MYBPH: variants seen among roughly 807,000 people sequenced by gnomAD.
The protein encoded by MYBPH is myosin-binding protein H.
In MYBPH, 49 loss-of-function variants were observed where a neutral mutation model predicts 53.6. That is an observed-to-expected ratio of 0.91 (90% confidence interval 0.73 to 1.16). The LOEUF (loss-of-function observed/expected upper bound fraction) is 1.16, where lower values mean the gene tolerates loss of function less well. MYBPH is among the 50% of genes most tolerant of loss of function. The probability of loss-of-function intolerance (pLI) is 0.00; values close to 1 mark genes in which losing one functional copy is unlikely to be tolerated. For missense variants in MYBPH, 558 were observed against 624.1 expected (o/e 0.89, Z 1.13); for synonymous variants, 239 against 249.6 (o/e 0.96, Z 0.40).
In MYBPH at chr1:203,171,762, C is replaced by T. The variant is rs1054234196; in HGVS notation, c.598-184G>A. On this transcript the variant is annotated intron_variant, in intron 4 of 10. Coordinates refer to ENST00000255416, the MANE Select transcript of MYBPH (RefSeq NM_004997.3). This position sits in a 1 kb window ranked among gnomAD's most constrained non-coding sequence, Gnocchi z 4.2. The stretch of plus-strand genomic sequence containing the variant: ...CCACATCTTCCAGGTGTCCATCCCG[C>T]TCTGGGGGCCCACCTGCCCATCCAC... Among the ~76,000 whole-genome samples, 13 of 152,248 alleles carry T rather than the reference C, an allele frequency of 8.5e-5. No individual in the cohort carries two copies. Among genetic ancestry groups the T allele is most frequent in the Non-Finnish European group, 1.9e-4 (13 of 68,046 alleles).
intron 7 of MYBPH, among the ~76,000 whole-genome samples, chr1:203,169,601 A>G (rs1655657645): frequency 6.6e-6 from 1 of 152,156 alleles, no homozygotes; most frequent in Non-Finnish European, 1.5e-5. Flanking sequence ...CAGAGATAAG[A>G]GCATCTTGGC....
intron 3 of MYBPH, 113 bp from the exon 4 acceptor site, chr1:203,172,153 G>T: frequency 1.7e-6 from 1 of 603,084 alleles, no homozygotes; most frequent in South Asian, 8.5e-5. Context: ...GAGGGTCCTG[G>T]GTGTGCCTGG....
intron 6 of MYBPH, 61 bp from the exon 7 acceptor site, chr1:203,170,511 C>CT: frequency 2.5e-6 from 4 of 1,574,080 alleles, no homozygotes; most frequent in Non-Finnish European, 3.5e-6. Context: ...CCTGCTTACC[C>CT]TGGAGACCTT....
chr1:203,173,277 A>G (rs2788529), intron 3 of MYBPH, among the ~76,000 whole-genome samples: 89,267 of 152,094 alleles, frequency 0.59, 26,438 homozygotes, highest in African/African-American at 0.67. Flanking sequence ...CCTTCCTGGC[A>G]CCTCCAGGAC....
At chr1:203,179,023 C>T (rs1209871356), upstream of MYBPH, 2 of 159,432 alleles carry the variant, frequency 1.3e-5, no homozygotes, top group Admixed American at 1.2e-4. Context: ...GTGAAGGTTT[C>T]AAGCTGGGCT....
rs941461969 is a variant in MYBPH at position 203,168,792 on chromosome 1, C to T, written c.1417+114G>A. 3 of 1,585,486 alleles carry T rather than the reference C, an allele frequency of 1.9e-6. No individual in the cohort carries two copies. In the Admixed American group the frequency reaches 5.1e-5, roughly 27 times the overall value. On this transcript the variant is annotated intron_variant, in intron 9 of 10. Transcript: ENST00000255416. ...GCCGCTTGGAAAGTAATCAGCACAG[C>T]CTGACCCCAGTCTTACCACCCCTTC...
chr1:203,170,004 C>T (rs1462944703), intron 7 of MYBPH, among the ~76,000 whole-genome samples: 1 of 152,230 alleles, frequency 6.6e-6, no homozygotes, highest in Non-Finnish European at 1.5e-5. Flanking sequence ...TCGGCGGCTG[C>T]TGTGATGCTG....
At position 203,170,939 on chromosome 1, in the gene MYBPH, G is replaced by A. The variant is rs959755439; in HGVS notation, c.933+122C>T. 24 of 1,352,926 alleles carry A rather than the reference G, an allele frequency of 1.8e-5. No homozygotes were observed. The East Asian group carries it at 2.4e-4, about 14-fold the overall frequency. The allele number at this position is 1,352,926 out of a possible 1,614,324, so 83.8% of individuals were successfully genotyped here. ...TGCTAAGGGCCTCCTAGGGAGTCAG[G>A]TTAGCAGTGGGCAGACCAGAACTCG... On this transcript the variant is annotated intron_variant, in intron 6 of 10. Coordinates refer to ENST00000255416, the MANE Select transcript of MYBPH (RefSeq NM_004997.3).
intron 3 of MYBPH, 182 bp downstream of exon 3, chr1:203,174,248 C>A: frequency 4.3e-6 from 4 of 930,840 alleles, no homozygotes; most frequent in Non-Finnish European, 5.1e-6. Context: ...CTCCAGAGGC[C>A]CCTTACTGCT....
chr1:203,176,870 T>C, upstream of MYBPH, among the ~76,000 whole-genome samples: 1 of 152,172 alleles, frequency 6.6e-6, no homozygotes, highest in South Asian at 2.1e-4. Context: ...GTGCCGCTCA[T>C]ATAACACCCA....
Position 203,170,300 on chromosome 1 carries a change from G to A in MYBPH, c.1084C>T (p.Gln362Ter). 6.2e-7 allele frequency: 1 copy of A among 1,614,136 alleles called. No individual in the cohort carries two copies. The highest frequency in any genetic ancestry group is 8.5e-7 in the Non-Finnish European group (1 of 1,180,018). ...CCGGGCCCAAACCCACCTGCCTTCT[G>A]GATGTGGGCGAGCTCCTTGGTGACG... ...ATVTKELAHI[Q>*]KADIAAKPKG... The change falls in exon 7 of 11, where the codon CAG (glutamine) becomes TAG (stop). Residue 362 changes from glutamine (Q) to a stop codon, truncating the protein, a stop_gained. Coordinates refer to ENST00000255416, the MANE Select transcript of MYBPH (RefSeq NM_004997.3). LOFTEE classifies it high-confidence loss of function.
Position 203,171,817 on chromosome 1 carries a change from A to G in MYBPH, c.597+135T>C, listed in dbSNP as rs1655704635. 1.4e-6 allele frequency: 1 copy of G among 713,576 alleles called. No homozygotes were observed. The highest frequency in any genetic ancestry group is 2.6e-5 in the South Asian group (1 of 38,234). 44.2% of individuals were successfully genotyped at this position (713,576 alleles called of 1,614,324 possible). ...TGAGAATCACCAATGAGTCATGTGCATGATTGCGGAAGGATGAAGCCGTCT... is the reference window on the plus strand; with the variant it reads ...TGAGAATCACCAATGAGTCATGTGCGTGATTGCGGAAGGATGAAGCCGTCT... On this transcript the variant is annotated intron_variant, in intron 4 of 10. Coordinates refer to ENST00000255416, the MANE Select transcript of MYBPH (RefSeq NM_004997.3). This position sits in a 1 kb window ranked among gnomAD's most constrained non-coding sequence, Gnocchi z 4.2.
intron 3 of MYBPH, 116 bp from the exon 4 acceptor site, chr1:203,172,156 G>A (rs1362619851): frequency 4.2e-5 from 24 of 573,208 alleles, no homozygotes; most frequent in Non-Finnish European, 5.0e-5. Flanking sequence ...GGTCCTGGGT[G>A]TGCCTGGCTG....
In MYBPH at chr1:203,171,171, G is replaced by T. The variant is rs747357040; in HGVS notation, c.823C>A (p.Leu275Ile). 6.8e-6 allele frequency: 11 copies of T among 1,609,202 alleles called. No homozygotes were observed. The highest frequency in any genetic ancestry group is 7.6e-6 in the Non-Finnish European group (9 of 1,177,766). The stretch of plus-strand genomic sequence containing the variant: ...GCATTGCAGCCCCAGACGTCCAGGA[G>T]CCTGATGCTGCTGGGGGGTCCAGGT... The part of the protein sequence containing the change: ...EKPGPPSSIR[L>I]LDVWGCNAAL... The change falls in exon 6 of 11, where the codon CTC becomes ATC. Residue 275 changes from leucine (L) to isoleucine (I), a missense_variant. By Grantham distance (5) the Leu-to-Ile change is conservative. Transcript: ENST00000255416. The surrounding 1 kb of genome is among the most constrained non-coding windows in gnomAD (Gnocchi z 4.2).
chr1:203,173,523 A>T (rs1655741467), intron 3 of MYBPH, among the ~76,000 whole-genome samples: 2 of 152,188 alleles, frequency 1.3e-5, no homozygotes, highest in Admixed American at 1.3e-4. Flanking sequence ...GGCCTTGATA[A>T]TCTATGAATC....
upstream of MYBPH, chr1:203,179,098 GC>G (rs1655870574): frequency 5.1e-6 from 1 of 194,382 alleles, no homozygotes; most frequent in East Asian, 1.2e-4. Context: ...TGGTGATAGA[GC>G]TTGCCAAAAT....
chr1:203,175,712 T>C lies in MYBPH; in HGVS notation c.44A>G (p.Glu15Gly). Residue 15 changes from glutamate (E) to glycine (G), a missense_variant, in exon 1 of 11, where the codon GAG (glutamate) becomes GGG (glycine). Physicochemically the swap from Glu to Gly is moderately conservative, Grantham distance 98. Transcript: ENST00000255416. Reference protein sequence around the residue: ...NTSEGPACSPEETASESAKVP... With the variant: ...NTSEGPACSPGETASESAKVP... ...CTTGGCAGATTCAGATGCGGTCTCC[T>C]CTGGACTGCAGGCAGGGCCCTCGGA... 6.2e-7 allele frequency: 1 copy of C among 1,614,072 alleles called. No homozygotes were observed. Among genetic ancestry groups the C allele is most frequent in the East Asian group, 2.2e-5 (1 of 44,876 alleles).
chr1:203,171,029 C>T lies in MYBPH; in HGVS notation c.933+32G>A, dbSNP rs757155927. ...TCCCCACCACCTTGACCACTTCGTA[C>T]CCCGACCCCACTTTGCCTCAGCCAG... On this transcript the variant is annotated intron_variant, in intron 6 of 10. Transcript: ENST00000255416. The surrounding 1 kb of genome is among the most constrained non-coding windows in gnomAD (Gnocchi z 4.2). 4 of 1,554,026 alleles carry T rather than the reference C, an allele frequency of 2.6e-6. No homozygotes were observed. Among genetic ancestry groups the T allele is most frequent in the Non-Finnish European group, 3.5e-6 (4 of 1,151,834 alleles).
At position 203,171,537 on chromosome 1, in the gene MYBPH, A is replaced by G. The variant is rs1385719133; in HGVS notation, c.639T>C (p.His213=). ...KPQATWTHNG[H]ALDSQRVSMR... Reference sequence around the variant, plus strand: ...TGCTCACCCGCTGGCTGTCCAGGGCATGGCCGTTGTGGGTCCATGTGGCCT... The same window carrying G: ...TGCTCACCCGCTGGCTGTCCAGGGCGTGGCCGTTGTGGGTCCATGTGGCCT... Residue 213 remains histidine (H), a synonymous_variant, in exon 5 of 11, where the codon CAT becomes CAC. Coordinates refer to ENST00000255416, the MANE Select transcript of MYBPH (RefSeq NM_004997.3). The surrounding 1 kb of genome is among the most constrained non-coding windows in gnomAD (Gnocchi z 4.2). The G allele has an allele frequency of 2.5e-6, 4 of 1,613,486 alleles. No homozygotes were observed. Among genetic ancestry groups the G allele is most frequent in the Non-Finnish European group, 3.4e-6 (4 of 1,179,946 alleles).
Sources: allele counts gnomAD v4.1 joint callset (sites outside exome capture counted in the v4.1 genomes callset), GRCh38; gene constraint gnomAD v4.1.1; non-coding constraint Gnocchi (gnomAD v3.1); transcripts MANE v1.5; gene names NCBI Gene and HGNC (gene_info 2026-07-23, HGNC 2026-07-21).